Variants in SLC22A3 observed in about 807,000 individuals in gnomAD.
SLC22A3 encodes the protein EMT organic cation transporter 3.
SLC22A3 carries 51 observed loss-of-function variants against 59.1 expected under a neutral mutation model. That is an observed-to-expected ratio of 0.86 (90% CI 0.69 to 1.09). The LOEUF is 1.09. SLC22A3 is among the 50% of genes least tolerant of loss of function. The pLI, the probability that SLC22A3 is intolerant of heterozygous loss-of-function variation, is 0.00. For missense variants in SLC22A3, 711 were observed against 726.3 expected (o/e 0.98, Z 0.24); for synonymous variants, 325 against 292.0 (o/e 1.11, Z -1.15).
In SLC22A3 at chr6:160,451,792, T is replaced by A. The variant is rs1338140190; in HGVS notation, c.*736T>A. ...AATGATGCTGTGGTTCTGAGATTAT[T>A]TGGGACATTTTTGGCTCTCCTTTAG... On this transcript the variant is annotated 3_prime_UTR_variant, in exon 11 of 11. Transcript: ENST00000275300. 1 of 152,236 alleles carries A rather than the reference T, an allele frequency of 6.6e-6. No homozygotes were observed. The highest frequency in any genetic ancestry group is 2.4e-5 in the African/African-American group (1 of 41,444). The allele number at this position is 152,236 out of a possible 1,614,324, so 9.4% of individuals were successfully genotyped here. A position where few individuals can be genotyped will look rare whatever the true frequency, so the allele number is the denominator to read the frequency against.
At chr6:160,376,678 A>G (rs1337814088) in intron 1 of SLC22A3, among the ~76,000 whole-genome samples, 1 of 152,180 alleles carries the variant, frequency 6.6e-6, no homozygotes, top group East Asian at 1.9e-4. Context: ...GCATCGCTCT[A>G]TGCTACTTGT....
intron 2 of SLC22A3, among the ~76,000 whole-genome samples, chr6:160,399,720 A>C (rs1442239833): frequency 8.5e-5 from 13 of 152,124 alleles, no homozygotes; most frequent in Admixed American, 8.5e-4. Context: ...GTGAATATAA[A>C]ATCTAGATTG....
At chr6:160,443,771 C>A (rs537492341) in intron 9 of SLC22A3, 29 bp downstream of exon 9, 1 of 1,354,646 alleles carries the variant, frequency 7.4e-7, no homozygotes, top group South Asian at 1.3e-5. Flanking sequence ...TTCTTAAGAG[C>A]CTTCATCTAC....
At chr6:160,385,093 T>A (rs1785949199) in intron 1 of SLC22A3, among the ~76,000 whole-genome samples, 1 of 152,246 alleles carries the variant, frequency 6.6e-6, no homozygotes. Flanking sequence ...AGGATGCTCC[T>A]TTTTCATGAT....
intron 1 of SLC22A3, among the ~76,000 whole-genome samples, chr6:160,379,489 G>A (rs1203682060): frequency 2.0e-5 from 3 of 152,166 alleles, no homozygotes; most frequent in Non-Finnish European, 4.4e-5. Flanking sequence ...TTCCTGATGG[G>A]TTAATTTAGT....
intron 5 of SLC22A3, among the ~76,000 whole-genome samples, chr6:160,427,212 C>G (rs569816094): frequency 6.6e-6 from 1 of 152,210 alleles, no homozygotes; most frequent in Admixed American, 6.5e-5. Flanking sequence ...TGCCGACTTG[C>G]CAAGAAAACG....
chr6:160,437,251 G>A (rs1352999387), intron 7 of SLC22A3, 40 bp downstream of exon 7: 1 of 1,592,464 alleles, frequency 6.3e-7, no homozygotes, highest in South Asian at 1.1e-5. Flanking sequence ...CAAAGGACTT[G>A]AAAACACCTA....
intron 4 of SLC22A3, among the ~76,000 whole-genome samples, chr6:160,409,545 G>T (rs1034351761): frequency 4.0e-5 from 6 of 149,850 alleles, no homozygotes; most frequent in Non-Finnish European, 8.9e-5. Context: ...CCAGTAATGG[G>T]ATGGCTGGGT....
intron 1 of SLC22A3, among the ~76,000 whole-genome samples, chr6:160,358,093 A>T (rs1784900976): frequency 1.3e-5 from 2 of 152,226 alleles, no homozygotes; most frequent in Non-Finnish European, 2.9e-5. Context: ...ATAACAATTT[A>T]TTGTTGCAGA....
intron 1 of SLC22A3, among the ~76,000 whole-genome samples, chr6:160,395,934 A>G (rs73590807): frequency 0.027 from 4,123 of 152,324 alleles, 173 homozygotes; most frequent in African/African-American, 0.095. Flanking sequence ...TCTTCATGCT[A>G]GAGTCTAATG....
chr6:160,405,889 A>T (rs958441625), intron 2 of SLC22A3, among the ~76,000 whole-genome samples: 1 of 152,116 alleles, frequency 6.6e-6, no homozygotes, highest in African/African-American at 2.4e-5. Context: ...GGAGACAGTA[A>T]AAAAAAGGAT....
intron 9 of SLC22A3, among the ~76,000 whole-genome samples, chr6:160,445,471 G>A (rs1390534013): frequency 2.0e-5 from 3 of 152,218 alleles, no homozygotes; most frequent in African/African-American, 7.2e-5. Flanking sequence ...TCACCCTGAG[G>A]TGGACAGAGC....
chr6:160,426,266 G>GAA (rs1787947711), intron 5 of SLC22A3: 1 of 985,278 alleles, frequency 1.0e-6, no homozygotes, highest in Admixed American at 6.1e-5. Context: ...GACAAATTTG[G>GAA]AAGCACTGAA....
At chr6:160,366,603 G>T (rs768473223) in intron 1 of SLC22A3, among the ~76,000 whole-genome samples, 3 of 152,176 alleles carry the variant, frequency 2.0e-5, no homozygotes, top group Non-Finnish European at 4.4e-5. Flanking sequence ...CTGTCTGAGG[G>T]CTCTGACCCC....
chr6:160,366,797 T>C (rs1347608855), intron 1 of SLC22A3, among the ~76,000 whole-genome samples: 2 of 152,168 alleles, frequency 1.3e-5, no homozygotes, highest in Admixed American at 1.3e-4. Flanking sequence ...TGCCAATGCT[T>C]AGGGCTGAGA....
chr6:160,407,295 C>A, intron 3 of SLC22A3, 100 bp downstream of exon 3: 1 of 1,250,074 alleles, frequency 8.0e-7, no homozygotes, highest in Non-Finnish European at 1.1e-6. Context: ...TGTCCTTTAA[C>A]AAAGGAGGTT....
chr6:160,362,921 C>T (rs1163628950), intron 1 of SLC22A3, among the ~76,000 whole-genome samples: 1 of 149,526 alleles, frequency 6.7e-6, no homozygotes, highest in Non-Finnish European at 1.5e-5. Context: ...AACGTCCCAT[C>T]CAGGGACCCA....
chr6:160,382,467 T>A (rs1785832712), intron 1 of SLC22A3, among the ~76,000 whole-genome samples: 1 of 152,226 alleles, frequency 6.6e-6, no homozygotes, highest in African/African-American at 2.4e-5. Context: ...AGTTGCTGCA[T>A]ATCACAGGAG....
At chr6:160,439,438 C>A (rs557098548) in intron 7 of SLC22A3, among the ~76,000 whole-genome samples, 1 of 152,170 alleles carries the variant, frequency 6.6e-6, no homozygotes, top group Admixed American at 6.5e-5. Flanking sequence ...ATATACTTTA[C>A]TCTATAAGAT....
Sources: allele counts gnomAD v4.1 joint callset (sites outside exome capture counted in the v4.1 genomes callset), GRCh38; gene constraint gnomAD v4.1.1; transcripts MANE v1.5; gene names NCBI Gene and HGNC (gene_info 2026-07-23, HGNC 2026-07-21).